Variants in SGCG observed in about 807,000 individuals in gnomAD.
The protein encoded by SGCG is sarcoglycan gamma, also known as gamma-sarcoglycan.
SGCG carries 26 observed loss-of-function variants against 29.3 expected under a neutral mutation model. The observed-to-expected ratio is 0.89, with a 90% CI of 0.65 to 1.23. SGCG has a LOEUF of 1.23. Ranked by LOEUF, SGCG falls within the 50% of genes most tolerant of loss-of-function variation. SGCG has a pLI of 0.00. For missense variants in SGCG, 353 were observed against 356.0 expected (o/e 0.99, Z 0.07); for synonymous variants, 145 against 129.7 (o/e 1.12, Z -0.80).
chr13:23,180,273 C>G (rs901353312), upstream of SGCG, among the ~76,000 whole-genome samples: 2 of 152,114 alleles, frequency 1.3e-5, no homozygotes, highest in Non-Finnish European at 1.5e-5. Flanking sequence ...ATGGAATGAC[C>G]TAATTACTCT....
intron 6 of SGCG, among the ~76,000 whole-genome samples, chr13:23,298,008 G>A (rs797008220): frequency 2.0e-5 from 3 of 151,654 alleles, no homozygotes; most frequent in African/African-American, 7.2e-5. Flanking sequence ...GCCTCCCAAA[G>A]TGCTGGGATT....
intron 6 of SGCG, among the ~76,000 whole-genome samples, chr13:23,300,831 AAG>A (rs1882128539): frequency 8.0e-6 from 1 of 125,118 alleles, no homozygotes. Context: ...AAAAAAAAAA[AAG>A]GGCCGGGCGC....
At chr13:23,232,614 C>T (rs1879153966) in intron 2 of SGCG, among the ~76,000 whole-genome samples, 1 of 152,052 alleles carries the variant, frequency 6.6e-6, no homozygotes, top group South Asian at 2.1e-4. Context: ...AACCCTGTCT[C>T]TATTAAAAAT....
intron 3 of SGCG, among the ~76,000 whole-genome samples, chr13:23,240,135 A>C (rs758826467): frequency 6.6e-6 from 1 of 152,226 alleles, no homozygotes; most frequent in Non-Finnish European, 1.5e-5. Context: ...GTACTAACCT[A>C]TACTATACTA....
At chr13:23,300,372 G>C (rs1040201307) in intron 6 of SGCG, among the ~76,000 whole-genome samples, 2 of 152,196 alleles carry the variant, frequency 1.3e-5, no homozygotes, top group African/African-American at 4.8e-5. Context: ...AGAGAAATCA[G>C]GATACATAGA....
intron 6 of SGCG, among the ~76,000 whole-genome samples, chr13:23,319,779 T>C (rs4068498): frequency 3.3e-5 from 5 of 152,184 alleles, no homozygotes; most frequent in Non-Finnish European, 7.3e-5. Flanking sequence ...TTTCAAACTT[T>C]GGGGCTGAGC....
chr13:23,284,852 A>G (rs1881434487), intron 5 of SGCG, among the ~76,000 whole-genome samples: 2 of 152,092 alleles, frequency 1.3e-5, no homozygotes, highest in African/African-American at 4.8e-5. Context: ...TTTTCCTTCT[A>G]ACAGTCAGGC....
At chr13:23,307,502 G>C (rs1263524444) in intron 6 of SGCG, among the ~76,000 whole-genome samples, 1 of 152,148 alleles carries the variant, frequency 6.6e-6, no homozygotes, top group Non-Finnish European at 1.5e-5. Flanking sequence ...GGAGTGATTT[G>C]GATTACTGTG....
chr13:23,230,773 T>C (rs934501461), intron 2 of SGCG, among the ~76,000 whole-genome samples: 4 of 151,570 alleles, frequency 2.6e-5, no homozygotes, highest in Non-Finnish European at 5.9e-5. Flanking sequence ...GGATACCTTT[T>C]CTTTCTTTCT....
At chr13:23,303,049 A>G (rs1882225846) in intron 6 of SGCG, among the ~76,000 whole-genome samples, 2 of 152,218 alleles carry the variant, frequency 1.3e-5, no homozygotes, top group African/African-American at 2.4e-5. Context: ...TAACTTGCCA[A>G]ATGATTACCT....
intron 4 of SGCG, among the ~76,000 whole-genome samples, chr13:23,261,409 T>G (rs1880431869): frequency 6.6e-6 from 1 of 151,872 alleles, no homozygotes; most frequent in Non-Finnish European, 1.5e-5. Context: ...AAGAAAGAAT[T>G]TCAGAGCTCG....
the SGCG span, among the ~76,000 whole-genome samples, chr13:23,165,803 A>G: frequency 1.3e-5 from 2 of 152,334 alleles, no homozygotes; most frequent in South Asian, 4.1e-4. Context: ...CTGGGATTAC[A>G]GGAATGAGCC....
rs140116852 is a variant in SGCG at position 23,195,207 on chromosome 13, G to T, written c.1-8488G>T. On this transcript the variant is annotated intron_variant, in intron 1 of 7. Transcript: ENST00000218867. ...TTTTGCTAACTTGTTAATGTTTCTG[G>T]ATGTTGGTATTATTCTTTAGTCAAG... 2.4e-4 allele frequency among the ~76,000 whole-genome samples: 36 copies of T among 152,244 alleles called. 1 individual carries two copies. The highest frequency in any genetic ancestry group is 3.4e-3 in the Middle Eastern group (1 of 294).
At chr13:23,252,707 A>C (rs1880020722) in intron 4 of SGCG, among the ~76,000 whole-genome samples, 1 of 104,034 alleles carries the variant, frequency 9.6e-6, no homozygotes, top group Non-Finnish European at 2.1e-5. Context: ...AACAAAACAA[A>C]ACAAACAAAC....
At chr13:23,285,551 G>A (rs1469316090) in intron 5 of SGCG, among the ~76,000 whole-genome samples, 1 of 152,224 alleles carries the variant, frequency 6.6e-6, no homozygotes, top group Non-Finnish European at 1.5e-5. Flanking sequence ...AGGCTCCATG[G>A]GGATGGGATC....
intron 2 of SGCG, among the ~76,000 whole-genome samples, chr13:23,216,540 TG>T (rs774740819): frequency 6.6e-6 from 1 of 152,160 alleles, no homozygotes; most frequent in Non-Finnish European, 1.5e-5. Flanking sequence ...TCTATTATTT[TG>T]TTAACAGAAT....
chr13:23,306,357 T>C (rs1014903670), intron 6 of SGCG, among the ~76,000 whole-genome samples: 1 of 152,212 alleles, frequency 6.6e-6, no homozygotes, highest in Admixed American at 6.5e-5. Context: ...ATATTAATAG[T>C]GTATTTCTTC....
intron 6 of SGCG, among the ~76,000 whole-genome samples, chr13:23,316,301 A>T (rs1430931592): frequency 6.6e-6 from 1 of 152,176 alleles, no homozygotes; most frequent in Non-Finnish European, 1.5e-5. Context: ...TGTTTCTGCC[A>T]AGACTACTAT....
At chr13:23,189,397 G>C (rs930350371) in intron 1 of SGCG, among the ~76,000 whole-genome samples, 1 of 152,142 alleles carries the variant, frequency 6.6e-6, no homozygotes, top group Non-Finnish European at 1.5e-5. Flanking sequence ...GGCTGGTGTC[G>C]AACTCCTGAG....
Sources: allele counts gnomAD v4.1 joint callset (sites outside exome capture counted in the v4.1 genomes callset), GRCh38; gene constraint gnomAD v4.1.1; transcripts MANE v1.5; gene names NCBI Gene and HGNC (gene_info 2026-07-23, HGNC 2026-07-21).